The following IL1RAPL1 variants were observed in gnomAD, a reference collection of about 807,000 sequenced individuals.
The protein encoded by IL1RAPL1 is interleukin-1 receptor accessory protein-like 1.
IL1RAPL1 carries 3 observed loss-of-function variants against 48.4 expected under a neutral mutation model. That is an observed-to-expected ratio of 0.06 (90% CI 0.03 to 0.16). IL1RAPL1 has a LOEUF of 0.16. Ranked by LOEUF, IL1RAPL1 falls within the 10% of genes least tolerant of loss-of-function variation. The pLI, the probability that IL1RAPL1 is intolerant of heterozygous loss-of-function variation, is 1.00. For synonymous variants in IL1RAPL1, 185 were observed against 187.7 expected (o/e 0.99, Z 0.12); for missense variants, 349 against 530.6 (o/e 0.66, Z 3.36).
At chrX:29,133,325 C>T (rs1929060487) in intron 2 of IL1RAPL1, among the ~76,000 whole-genome samples, 2 of 111,713 alleles carry the variant, frequency 1.8e-5, no homozygotes, top group Admixed American at 9.6e-5. Context: ...AAACAAGGAC[C>T]CTGAAGGGAA....
At chrX:28,596,023 A>G (rs932953053) in intron 1 of IL1RAPL1, among the ~76,000 whole-genome samples, 1 of 111,167 alleles carries the variant, frequency 9.0e-6, no homozygotes, top group Non-Finnish European at 1.9e-5. Flanking sequence ...GCTCTTCTCA[A>G]TGAGTGAATG....
At chrX:29,415,566 CGTG>C (rs1569306546) in intron 5 of IL1RAPL1, among the ~76,000 whole-genome samples, 2 of 110,183 alleles carry the variant, frequency 1.8e-5, no homozygotes, top group East Asian at 5.7e-4. Flanking sequence ...ATTACAGGCG[CGTG>C]CCACCACGCC....
At chrX:29,636,662 T>C (rs1045858379) in intron 5 of IL1RAPL1, among the ~76,000 whole-genome samples, 2 of 112,055 alleles carry the variant, frequency 1.8e-5, no homozygotes, top group Non-Finnish European at 3.8e-5. Flanking sequence ...CCACTTAGTG[T>C]ATAGAACCTA....
intron 6 of IL1RAPL1, among the ~76,000 whole-genome samples, chrX:29,685,859 C>T (rs1926600823): frequency 9.1e-6 from 1 of 109,533 alleles, no homozygotes; most frequent in Non-Finnish European, 1.9e-5. Flanking sequence ...GTGGTGGGTG[C>T]CTGTAATCCC....
intron 5 of IL1RAPL1, among the ~76,000 whole-genome samples, chrX:29,481,884 T>C (rs1321603804): frequency 8.9e-6 from 1 of 111,828 alleles, no homozygotes; most frequent in Non-Finnish European, 1.9e-5. Context: ...GGCAAAGTAA[T>C]ATTTGCAGGC....
chrX:29,056,594 TG>T (rs979677501), intron 2 of IL1RAPL1, among the ~76,000 whole-genome samples: 4 of 112,263 alleles, frequency 3.6e-5, no homozygotes, highest in African/African-American at 1.3e-4. Context: ...CTTTGTGAAC[TG>T]TTATTCATTT....
intron 1 of IL1RAPL1, among the ~76,000 whole-genome samples, chrX:28,641,502 G>A (rs1251347056): frequency 9.0e-6 from 1 of 111,698 alleles, no homozygotes; most frequent in Non-Finnish European, 1.9e-5. Flanking sequence ...CTTTGCTAGT[G>A]TGAATAGTGC....
intron 5 of IL1RAPL1, among the ~76,000 whole-genome samples, chrX:29,512,707 G>T (rs1351954905): frequency 2.7e-5 from 3 of 112,032 alleles, no homozygotes; most frequent in African/African-American, 9.7e-5. Context: ...TTGTTACTGA[G>T]TCTCTTCCTG....
chrX:28,665,985 T>TACACTGGCCC (rs1389775765), intron 1 of IL1RAPL1, among the ~76,000 whole-genome samples: 3 of 112,022 alleles, frequency 2.7e-5, no homozygotes, highest in African/African-American at 9.7e-5. Context: ...TGCACTGGCC[T>TACACTGGCCC]ACACTGGCCC....
At chrX:29,756,056 AG>A (rs2147143015) in intron 6 of IL1RAPL1, among the ~76,000 whole-genome samples, 1 of 111,681 alleles carries the variant, frequency 9.0e-6, no homozygotes, top group Admixed American at 9.5e-5. Context: ...CCTACCTCAT[AG>A]GGCTGTTATA....
chrX:29,836,188 C>CTTTTTTTT (rs201175211), intron 6 of IL1RAPL1, among the ~76,000 whole-genome samples: 15 of 89,188 alleles, frequency 1.7e-4, no homozygotes, highest in South Asian at 5.2e-4. Context: ...TTTCATTTTT[C>CTTTTTTTT]TTTTTTTTTT....
intron 3 of IL1RAPL1, among the ~76,000 whole-genome samples, chrX:29,333,444 CG>C (rs1932915218): frequency 1.2e-5 from 1 of 86,675 alleles, no homozygotes; most frequent in African/African-American, 4.1e-5. Flanking sequence ...GGCGGCTGGC[CG>C]GGCAGAGGGG....
intron 1 of IL1RAPL1, among the ~76,000 whole-genome samples, chrX:28,679,067 GTCCCCT>G (rs1935029823): frequency 9.0e-6 from 1 of 111,682 alleles, no homozygotes; most frequent in South Asian, 3.7e-4. Flanking sequence ...GTGTGCAAGG[GTCCCCT>G]TTTCTCCACA....
intron 2 of IL1RAPL1, among the ~76,000 whole-genome samples, chrX:29,240,195 C>CACACATATATATATAT (rs1555979978): frequency 2.9e-4 from 8 of 27,224 alleles, no homozygotes; most frequent in African/African-American, 1.7e-3. Flanking sequence ...CACACACACA[C>CACACATATATATATAT]ATATATATAT....
chrX:29,182,213 C>A (rs957506635), intron 2 of IL1RAPL1, among the ~76,000 whole-genome samples: 1 of 111,102 alleles, frequency 9.0e-6, no homozygotes, highest in Non-Finnish European at 1.9e-5. Flanking sequence ...TGTAATGAAG[C>A]CTTCATAAAA....
intron 2 of IL1RAPL1, among the ~76,000 whole-genome samples, chrX:29,013,198 T>TAAA (rs367692415): frequency 3.1e-5 from 3 of 97,315 alleles, no homozygotes; most frequent in Admixed American, 1.1e-4. Flanking sequence ...ATTAAAAAGT[T>TAAA]AAAAAAAAAA....
At chrX:29,038,088 C>G (rs1926768431) in intron 2 of IL1RAPL1, among the ~76,000 whole-genome samples, 1 of 110,764 alleles carries the variant, frequency 9.0e-6, no homozygotes, top group African/African-American at 3.3e-5. Context: ...AAAAAATGTT[C>G]ACAGGGTCCT....
At chrX:29,531,750 CTCT>C (rs781066003) in intron 5 of IL1RAPL1, among the ~76,000 whole-genome samples, 1 of 112,142 alleles carries the variant, frequency 8.9e-6, no homozygotes, top group Non-Finnish European at 1.9e-5. Flanking sequence ...TCTTCCTTGC[CTCT>C]TCTTAACTTC....
chrX:29,663,896 A>G (rs1024482583), intron 5 of IL1RAPL1, among the ~76,000 whole-genome samples: 1 of 112,350 alleles, frequency 8.9e-6, no homozygotes, highest in Non-Finnish European at 1.9e-5. Context: ...TCCGTCTACT[A>G]TATGCAGGAA....
Sources: allele counts gnomAD v4.1 joint callset (sites outside exome capture counted in the v4.1 genomes callset), GRCh38; gene constraint gnomAD v4.1.1; transcripts MANE v1.5; gene names NCBI Gene and HGNC (gene_info 2026-07-23, HGNC 2026-07-21).